The following TRPC7 variants were observed in gnomAD, a reference collection of about 807,000 sequenced individuals.
TRPC7 encodes the protein short transient receptor potential channel 7.
TRPC7 carries 42 observed loss-of-function variants against 90.1 expected under a neutral mutation model. The observed-to-expected ratio is 0.47, with a 90% CI of 0.36 to 0.60. TRPC7 has a LOEUF of 0.60. Among genes scored for constraint, TRPC7 ranks in the 20% least tolerant of loss-of-function variants. The pLI is 0.00. For missense variants in TRPC7, 955 were observed against 1,112.3 expected (o/e 0.86, Z 2.01); for synonymous variants, 451 against 436.3 (o/e 1.03, Z -0.42).
At chr5:136,224,186 G>A (rs537666038) in intron 10 of TRPC7, among the ~76,000 whole-genome samples, 1 of 152,268 alleles carries the variant, frequency 6.6e-6, no homozygotes, top group East Asian at 1.9e-4. Context: ...ATTTACATCT[G>A]ATAAGAAATG....
At chr5:136,235,106 C>CT (rs1163757153) in intron 7 of TRPC7, among the ~76,000 whole-genome samples, 9 of 152,110 alleles carry the variant, frequency 5.9e-5, no homozygotes, top group African/African-American at 2.2e-4. Context: ...CCACACAAAA[C>CT]TTTACTTGTA....
At chr5:136,330,207 C>G (rs1015558611) in intron 2 of TRPC7, among the ~76,000 whole-genome samples, 1 of 152,226 alleles carries the variant, frequency 6.6e-6, no homozygotes, top group African/African-American at 2.4e-5. Context: ...TTGGTCTGTG[C>G]ACCCATTAGG....
intron 6 of TRPC7, among the ~76,000 whole-genome samples, chr5:136,249,664 A>G (rs1756457435): frequency 6.6e-6 from 1 of 152,220 alleles, no homozygotes; most frequent in Non-Finnish European, 1.5e-5. Flanking sequence ...CTTATATTGA[A>G]AAATATTATA....
At chr5:136,251,440 A>G (rs1274889152) in intron 6 of TRPC7, among the ~76,000 whole-genome samples, 1 of 152,208 alleles carries the variant, frequency 6.6e-6, no homozygotes, top group African/African-American at 2.4e-5. Context: ...TCCACGTTCT[A>G]TTCTGCTGGC....
intron 3 of TRPC7, among the ~76,000 whole-genome samples, chr5:136,301,997 T>A (rs1033647172): frequency 3.3e-5 from 5 of 152,202 alleles, no homozygotes; most frequent in African/African-American, 9.6e-5. Flanking sequence ...CGGCCTCTTT[T>A]TACTCTTCTC....
intron 6 of TRPC7, 126 bp downstream of exon 6, chr5:136,251,507 TGGAACTGCCAAAGTCG>T: frequency 1.5e-6 from 1 of 680,200 alleles, no homozygotes; most frequent in East Asian, 2.7e-5. Flanking sequence ...GCACTGACAG[TGGAACTGCCAAAGTCG>T]GCTGTGTTAC....
Position 136,222,722 on chromosome 5 carries a change from G to C in TRPC7, c.2343+2552C>G, listed in dbSNP as rs145575513. Among the ~76,000 whole-genome samples, 312 of 152,316 alleles carry C rather than the reference G, an allele frequency of 2.0e-3. 2 individuals carry two copies. The highest frequency in any genetic ancestry group is 7.3e-3 in the African/African-American group (302 of 41,574). ...CAAGAAAGGTTCTGAGGAGGGTGCT[G>C]GTGCAAAACTACGAAGATAAATAAT... On this transcript the variant is annotated intron_variant, in intron 10 of 11. Coordinates refer to ENST00000513104, the MANE Select transcript of TRPC7 (RefSeq NM_020389.3).
At chr5:136,269,273 T>C (rs977903749) in intron 4 of TRPC7, among the ~76,000 whole-genome samples, 3 of 152,212 alleles carry the variant, frequency 2.0e-5, no homozygotes, top group African/African-American at 4.8e-5. Flanking sequence ...CACCCGAAGC[T>C]TCCTGGCCAC....
rs138582397 is a variant in TRPC7 at position 136,284,236 on chromosome 5, C to A, written c.964-9399G>T. Among the ~76,000 whole-genome samples the A allele has an allele frequency of 5.1e-3, 775 of 152,288 alleles. 5 individuals are homozygous for A. Among genetic ancestry groups the A allele is most frequent in the African/African-American group, 0.018 (737 of 41,564 alleles). ...GCATTCAACGGTAAGGTACCCTGGG[C>A]ACTTGTGTTTGTTTTTTGCTCCCTT... On this transcript the variant is annotated intron_variant, in intron 3 of 11. Coordinates refer to ENST00000513104, the MANE Select transcript of TRPC7 (RefSeq NM_020389.3).
intron 5 of TRPC7, among the ~76,000 whole-genome samples, chr5:136,265,924 AAT>A (rs1266822057): frequency 2.0e-5 from 3 of 152,214 alleles, no homozygotes; most frequent in Admixed American, 6.5e-5. Flanking sequence ...TGATCAAAAT[AAT>A]ATGTTTCCCC....
chr5:136,232,071 C>A (rs559122470), intron 7 of TRPC7, among the ~76,000 whole-genome samples: 1 of 152,262 alleles, frequency 6.6e-6, no homozygotes, highest in East Asian at 1.9e-4. Context: ...ATGGCAAGCT[C>A]TTTATTTTTT....
intron 3 of TRPC7, among the ~76,000 whole-genome samples, chr5:136,310,422 T>C (rs995783494): frequency 6.6e-6 from 1 of 152,170 alleles, no homozygotes; most frequent in Non-Finnish European, 1.5e-5. Context: ...TGCACTTTGT[T>C]CCCTTCCCAT....
chr5:136,297,853 A>C (rs973743496), intron 3 of TRPC7, among the ~76,000 whole-genome samples: 1 of 152,216 alleles, frequency 6.6e-6, no homozygotes, highest in Non-Finnish European at 1.5e-5. Context: ...TTTGATCCTC[A>C]AGAGAGCTCT....
intron 7 of TRPC7, among the ~76,000 whole-genome samples, chr5:136,245,411 A>G (rs1263515126): frequency 6.6e-6 from 1 of 152,204 alleles, no homozygotes; most frequent in African/African-American, 2.4e-5. Context: ...TTCTGAGCTA[A>G]GTGGCACAGA....
chr5:136,231,830 C>T (rs1392723477), intron 7 of TRPC7, among the ~76,000 whole-genome samples: 1 of 152,144 alleles, frequency 6.6e-6, no homozygotes, highest in Non-Finnish European at 1.5e-5. Context: ...GTCTTGAACT[C>T]CTGGGCTCAA....
chr5:136,344,794 G>A (rs970885220), intron 2 of TRPC7, among the ~76,000 whole-genome samples: 4 of 152,190 alleles, frequency 2.6e-5, no homozygotes, highest in African/African-American at 4.8e-5. Context: ...AACAACAAGT[G>A]AGAGGCAGCC....
intron 5 of TRPC7, among the ~76,000 whole-genome samples, chr5:136,257,211 C>T (rs1489373932): frequency 6.9e-6 from 1 of 145,234 alleles, no homozygotes; most frequent in Non-Finnish European, 1.5e-5. Flanking sequence ...GCGATGGAGT[C>T]TCACTCTGTC....
At chr5:136,343,379 C>T (rs1018414425) in intron 2 of TRPC7, among the ~76,000 whole-genome samples, 1 of 152,108 alleles carries the variant, frequency 6.6e-6, no homozygotes, top group Non-Finnish European at 1.5e-5. Flanking sequence ...CCTTCCCCAG[C>T]CTTTGTGAGA....
At chr5:136,354,869 C>T (rs1760311827) in intron 2 of TRPC7, among the ~76,000 whole-genome samples, 1 of 152,346 alleles carries the variant, frequency 6.6e-6, no homozygotes, top group African/African-American at 2.4e-5. Flanking sequence ...CACTTACCTC[C>T]TCCAAATGCC....
Sources: allele counts gnomAD v4.1 joint callset (sites outside exome capture counted in the v4.1 genomes callset), GRCh38; gene constraint gnomAD v4.1.1; transcripts MANE v1.5; gene names NCBI Gene and HGNC (gene_info 2026-07-23, HGNC 2026-07-21).